Variants in ADAMTS1 observed in about 807,000 individuals in gnomAD.
ADAMTS1 encodes A disintegrin and metalloproteinase with thrombospondin motifs 1.
In ADAMTS1, 19 loss-of-function variants were observed where a neutral mutation model predicts 87.9. That is an observed-to-expected ratio of 0.22 (90% confidence interval 0.15 to 0.32). The LOEUF (loss-of-function observed/expected upper bound fraction) is 0.32. Among genes scored for constraint, ADAMTS1 ranks in the 10% least tolerant of loss-of-function variants. The pLI, the probability that ADAMTS1 is intolerant of heterozygous loss-of-function variation, is 1.00. For missense variants in ADAMTS1, 1,240 were observed against 1,259.1 expected (o/e 0.98, Z 0.23); for synonymous variants, 542 against 501.8 (o/e 1.08, Z -1.07).
chr21:26,839,832 T>C (rs751030221), intron 6 of ADAMTS1, 43 bp downstream of exon 6: 27 of 1,605,830 alleles, frequency 1.7e-5, no homozygotes, highest in Non-Finnish European at 2.3e-5. Context: ...GGTACATCTT[T>C]TTTTAATCCA....
At chr21:26,838,674 A>AT in intron 7 of ADAMTS1, 60 bp from the exon 8 acceptor site, 1 of 1,523,004 alleles carries the variant, frequency 6.6e-7, no homozygotes, top group Non-Finnish European at 9.0e-7. Context: ...TGCTGCAATG[A>AT]TAAGTGTAAA....
chr21:26,843,105 G>C (rs1254080186), intron 1 of ADAMTS1: 2 of 265,310 alleles, frequency 7.5e-6, no homozygotes, highest in Non-Finnish European at 1.5e-5. Flanking sequence ...GAAGGCCTCG[G>C]GTAGGGCCTG....
chr21:26,843,412 G>C, intron 1 of ADAMTS1: 1 of 460,352 alleles, frequency 2.2e-6, no homozygotes. Context: ...AGGGGAAAAG[G>C]GGAGAATTCT....
At position 26,842,375 on chromosome 21, in the gene ADAMTS1, T is replaced by C. The variant is rs1985512000; in HGVS notation, c.1041A>G (p.Ala347=). ...AAAGAATTGCTGTGTCATAGTGCTC[T>C]GCATCCCGGTCACTGGGTGGGTTGT... ...KQHNPPSDRD[A]EHYDTAILFT... The change falls in exon 2 of 9, where the codon GCA becomes GCG. Residue 347 remains alanine, a synonymous_variant. Transcript: ENST00000284984. 1.2e-6 allele frequency: 2 copies of C among 1,614,092 alleles called. No individual in the cohort carries two copies. The highest frequency in any genetic ancestry group is 2.7e-5 in the African/African-American group (2 of 74,938).
intron 4 of ADAMTS1, 31 bp from the exon 5 acceptor site, chr21:26,840,593 CAG>C (rs1253248804): frequency 2.5e-6 from 4 of 1,605,698 alleles, no homozygotes; most frequent in African/African-American, 2.7e-5. Context: ...AATATCAATA[CAG>C]AGTTAGTGAG....
rs1000237600 is a variant in ADAMTS1, at chr21:26,839,733, C to T, written c.1882G>A (p.Ala628Thr). The T allele has an allele frequency of 1.5e-5, 24 of 1,612,514 alleles. No homozygotes were observed. Among genetic ancestry groups the T allele is most frequent in the Non-Finnish European group, 2.0e-5 (24 of 1,178,800 alleles). The stretch of plus-strand genomic sequence containing the variant: ...GAAGCTTTTGAAAACTCGTTGTGTG[C>T]TTCACATTGTTCCTCTCTAAAGGTT... The part of the protein sequence containing the change: ...GKTFREEQCE[A>T]HNEFSKASFG... Residue 628 changes from alanine (A) to threonine (T), a missense_variant, in exon 7 of 9, where the codon GCA (alanine) becomes ACA (threonine). Ala to Thr is a moderately conservative substitution (Grantham distance 58). This residue lies in a region of ADAMTS1 where 317 missense variants were observed against 410.3 expected (regional missense o/e 0.77). Coordinates refer to ENST00000284984, the MANE Select transcript of ADAMTS1 (RefSeq NM_006988.5).
chr21:26,842,278 T>G, intron 2 of ADAMTS1, 61 bp downstream of exon 2: 1 of 1,500,536 alleles, frequency 6.7e-7, no homozygotes, highest in Non-Finnish European at 9.0e-7. Context: ...GTATATATCT[T>G]TTTGGTACAA....
intron 1 of ADAMTS1, chr21:26,843,466 C>G (rs1985537939): frequency 2.1e-6 from 1 of 469,182 alleles, no homozygotes; most frequent in South Asian, 1.6e-5. Flanking sequence ...AAAAAGGCAC[C>G]AAAGTGATGA....
intron 3 of ADAMTS1, 62 bp downstream of exon 3, chr21:26,841,796 A>G: frequency 1.9e-6 from 3 of 1,548,276 alleles, no homozygotes; most frequent in Non-Finnish European, 2.6e-6. Flanking sequence ...TCTCCTTCTT[A>G]TATTGTTTTA....
Position 26,842,554 on chromosome 21 carries a change from C to T in ADAMTS1, c.862G>A (p.Val288Met), listed in dbSNP as rs562917561. The change falls in exon 2 of 9, where the codon GTG becomes ATG. Residue 288 changes from valine to methionine, a missense_variant. By Grantham distance (21) the Val-to-Met change is conservative. This residue lies in a region of ADAMTS1 where 521 missense variants were observed against 449.7 expected (regional missense o/e 1.16). Transcript: ENST00000284984. ...GGGTGTTTGTACAATCTGGCTGCCA[C>T]CGAAAACAACGTGAGAAGGTAATGC... is the stretch of plus-strand genomic sequence containing the variant. ...LKHYLLTLFSVAARLYKHPSI... is the reference protein window; with the variant it reads ...LKHYLLTLFSMAARLYKHPSI... 1.2e-6 allele frequency: 2 copies of T among 1,614,168 alleles called. No individual in the cohort carries two copies. Among genetic ancestry groups the T allele is most frequent in the Non-Finnish European group, 1.7e-6 (2 of 1,180,036 alleles).
Position 26,844,422 on chromosome 21 carries a change from G to A in ADAMTS1, c.533C>T (p.Pro178Leu), listed in dbSNP as rs547264069. 3.1e-6 allele frequency: 5 copies of A among 1,588,218 alleles called. No homozygotes were observed. The South Asian group carries it at 3.4e-5, about 11-fold the overall frequency. Residue 178 changes from proline to leucine, a missense_variant, in exon 1 of 9, where the codon CCG (proline) becomes CTG (leucine). Pro to Leu is a moderately conservative substitution (Grantham distance 98, BLOSUM62 -3). This residue lies in a region of ADAMTS1 where 521 missense variants were observed against 449.7 expected (regional missense o/e 1.16). Transcript: ENST00000284984. ...CAGGAGGTGGAACTGTAGTGGTGCC[G>A]GCGGCTTCTCCCCTGGGGCGGCGGT... The part of the protein sequence containing the change: ...LATAAPGEKP[P>L]APLQFHLLRR...
chr21:26,841,154 T>G lies in ADAMTS1; in HGVS notation c.1222A>C (p.Asn408His). 6.2e-7 allele frequency: 1 copy of G among 1,614,140 alleles called. No individual in the cohort carries two copies. The highest frequency in any genetic ancestry group is 1.1e-5 in the South Asian group (1 of 91,082). Residue 408 changes from asparagine (N) to histidine (H), a missense_variant, in exon 4 of 9, where the codon AAC becomes CAC. This residue lies in a region of ADAMTS1 where 317 missense variants were observed against 410.3 expected (regional missense o/e 0.77). Transcript: ENST00000284984. ...TTAHELGHVF[N>H]MPHDDAKQCA... ...TGCTTTGCATCATCATGTGGCATGT[T>G]AAACACGTGGCCTAGGAAGCAATCC...
In ADAMTS1 at chr21:26,836,375, AG is replaced by A. The variant is rs1985364353; in HGVS notation, c.*1203del. 2 of 152,620 alleles carry A rather than the reference AG, an allele frequency of 1.3e-5. No homozygotes were observed. Among genetic ancestry groups the A allele is most frequent in the African/African-American group, 2.4e-5 (1 of 41,454 alleles). 9.5% of individuals were successfully genotyped at this position (152,620 alleles called of 1,614,324 possible). A position where few individuals can be genotyped will look rare whatever the true frequency, so the allele number is the denominator to read the frequency against. Reference sequence around the variant, plus strand: ...TTCCACAAAAGCGATATAATTTAAAAGTTTTTTTCATTAGAAATAAATGTAT... The same window carrying A: ...TTCCACAAAAGCGATATAATTTAAAATTTTTTTCATTAGAAATAAATGTAT... On this transcript the variant is annotated 3_prime_UTR_variant, in exon 9 of 9. Transcript: ENST00000284984.
At chr21:26,841,340 G>T in intron 3 of ADAMTS1, 175 bp from the exon 4 acceptor site, 1 of 600,290 alleles carries the variant, frequency 1.7e-6, no homozygotes, top group East Asian at 3.1e-5. Context: ...TTAGCCGGGT[G>T]TGGTGGCATG....
chr21:26,843,572 G>C (rs918922098), intron 1 of ADAMTS1: 4 of 467,236 alleles, frequency 8.6e-6, no homozygotes, highest in Middle Eastern at 3.3e-4. Context: ...GCAGAATTAT[G>C]GCCGCGAGAG....
At chr21:26,840,878 G>A in intron 4 of ADAMTS1, 120 bp downstream of exon 4, 1 of 1,263,498 alleles carries the variant, frequency 7.9e-7, no homozygotes, top group Non-Finnish European at 1.1e-6. Flanking sequence ...GATCTTGACA[G>A]AGGAAAAGTA....
rs148674012 is a variant in ADAMTS1 at position 26,838,017 on chromosome 21, G to C, written c.2466C>G (p.Thr822=). ...RSFSPLKEPL[T]IQVLTVGNAL... Reference sequence around the variant, plus strand: ...CATTGCCCACAGTAAGAACCTGGATGGTCAAGGGCTCTTTGAGAGGGCTAA... The same window carrying C: ...CATTGCCCACAGTAAGAACCTGGATCGTCAAGGGCTCTTTGAGAGGGCTAA... The change falls in exon 9 of 9, where the codon ACC becomes ACG. Residue 822 remains threonine (T), a synonymous_variant. Transcript: ENST00000284984. 1.2e-4 allele frequency: 186 copies of C among 1,614,218 alleles called. 1 individual carries two copies. The African/African-American group carries it at 2.2e-3, about 19-fold the overall frequency.
At chr21:26,843,110 G>A (rs954233560) in intron 1 of ADAMTS1, 2 of 271,938 alleles carry the variant, frequency 7.4e-6, no homozygotes, top group Non-Finnish European at 1.4e-5. Flanking sequence ...CCTCGGGTAG[G>A]GCCTGGGCTG....
At chr21:26,838,728 C>G (rs1601921845) in intron 7 of ADAMTS1, 114 bp from the exon 8 acceptor site, 1 of 1,005,028 alleles carries the variant, frequency 9.9e-7, no homozygotes, top group East Asian at 2.6e-5. Flanking sequence ...AAACACAGTA[C>G]CCTCTACACA....
Sources: gnomAD v4.1 joint callset for allele counts on GRCh38, gnomAD v4.1.1 for gene constraint, gnomAD v4.1.1 regional missense constraint, MANE v1.5 for transcripts, NCBI Gene and HGNC (gene_info 2026-07-23, HGNC 2026-07-21) for gene names.